The following UHRF2 variants were observed in gnomAD, a reference collection of about 807,000 sequenced individuals.
UHRF2 encodes ubiquitin like with PHD and ring finger domains 2, also known as E3 ubiquitin-protein ligase UHRF2.
UHRF2 carries 23 observed loss-of-function variants against 96.8 expected under a neutral mutation model. The ratio of observed to expected loss-of-function variants is 0.24; its 90% CI spans 0.17 to 0.34. The LOEUF is 0.34. Among genes scored for constraint, UHRF2 ranks in the 10% least tolerant of loss-of-function variants. UHRF2 has a pLI of 1.00. For missense variants in UHRF2, 685 were observed against 981.5 expected (o/e 0.70, Z 4.04); for synonymous variants, 385 against 332.6 (o/e 1.16, Z -1.72).
chr9:6,435,519 A>G (rs1042187240), intron 3 of UHRF2, among the ~76,000 whole-genome samples: 5 of 152,196 alleles, frequency 3.3e-5, no homozygotes, highest in African/African-American at 1.2e-4. Context: ...GTACTACCAC[A>G]AACTAATTTT....
At chr9:6,463,692 A>G (rs1822694071) in intron 4 of UHRF2, among the ~76,000 whole-genome samples, 1 of 152,132 alleles carries the variant, frequency 6.6e-6, no homozygotes, top group African/African-American at 2.4e-5. Context: ...GCTGGTTTCG[A>G]ACCCCTGAGC....
At chr9:6,471,738 A>G (rs1242277672) in intron 4 of UHRF2, among the ~76,000 whole-genome samples, 1 of 152,184 alleles carries the variant, frequency 6.6e-6, no homozygotes, top group African/African-American at 2.4e-5. Context: ...AGTAAGTACA[A>G]GCAGTTTGCA....
At chr9:6,467,595 G>GTTTTTTTTTTTT (rs34366483) in intron 4 of UHRF2, among the ~76,000 whole-genome samples, 1 of 99,170 alleles carries the variant, frequency 1.0e-5, no homozygotes, top group African/African-American at 4.2e-5. Flanking sequence ...CGAGAGAATA[G>GTTTTTTTTTTTT]TTTTTTTTTT....
At chr9:6,433,813 A>G (rs1464063521) in intron 2 of UHRF2, 101 bp from the exon 3 acceptor site, 17 of 1,236,198 alleles carry the variant, frequency 1.4e-5, no homozygotes, top group Non-Finnish European at 1.7e-5. Flanking sequence ...AGCTGCAAAT[A>G]TTGTTTACCA....
chr9:6,480,205 C>T (rs1216754103), intron 6 of UHRF2, among the ~76,000 whole-genome samples: 1 of 152,176 alleles, frequency 6.6e-6, no homozygotes, highest in Non-Finnish European at 1.5e-5. Flanking sequence ...GTTTCTTTGC[C>T]AGGAATGCTT....
At chr9:6,455,071 C>T (rs1563769747) in intron 3 of UHRF2, among the ~76,000 whole-genome samples, 1 of 152,180 alleles carries the variant, frequency 6.6e-6, no homozygotes, top group Admixed American at 6.5e-5. Flanking sequence ...GAGTAAGAAC[C>T]AGATGTTACT....
chr9:6,429,637 C>CTT lies in UHRF2; in HGVS notation c.385-4276_385-4275insTT, dbSNP rs1469948518. 3.3e-5 allele frequency among the ~76,000 whole-genome samples: 5 copies of CTT among 152,236 alleles called. No individual in the cohort carries two copies. The South Asian group carries it at 1.0e-3, about 32-fold the overall frequency. On this transcript the variant is annotated intron_variant, in intron 2 of 15. Transcript: ENST00000276893. ...TGAGCCACTGCACCCGGGCTATACT[C>CTT]TGAGTTTTAATGAGTCTTAACATTG... is the stretch of plus-strand genomic sequence containing the variant.
At chr9:6,492,705 G>C (rs1824731944) in intron 9 of UHRF2, 1 of 152,332 alleles carries the variant, frequency 6.6e-6, no homozygotes, top group Non-Finnish European at 1.5e-5. Context: ...TATTTTGCTA[G>C]TGTTAGTAGG....
intron 2 of UHRF2, chr9:6,422,553 T>C (rs1819991062): frequency 8.3e-6 from 4 of 482,720 alleles, no homozygotes; most frequent in Middle Eastern, 3.0e-4. Flanking sequence ...TCGACATCTT[T>C]ACAATGTTGA....
intron 4 of UHRF2, among the ~76,000 whole-genome samples, chr9:6,472,878 GAC>G (rs1348144265): frequency 6.6e-6 from 1 of 152,092 alleles, no homozygotes; most frequent in Non-Finnish European, 1.5e-5. Flanking sequence ...AAGGAAAAAA[GAC>G]ACATAATTTT....
chr9:6,496,949 A>G lies in UHRF2; in HGVS notation c.1605-249A>G, dbSNP rs1825010369. 4 of 378,864 alleles carry G rather than the reference A, an allele frequency of 1.1e-5. No individual in the cohort carries two copies. The South Asian group carries it at 3.2e-4, about 30-fold the overall frequency. 23.5% of individuals were successfully genotyped at this position (378,864 alleles called of 1,614,324 possible). ...TTCTATTATACGTGGCACAGATGTTATTACTTTCAGAAGAACCCTACAGGC... is the reference window on the plus strand; with the variant it reads ...TTCTATTATACGTGGCACAGATGTTGTTACTTTCAGAAGAACCCTACAGGC... On this transcript the variant is annotated intron_variant, in intron 10 of 15. Transcript: ENST00000276893.
intron 12 of UHRF2, 135 bp downstream of exon 12, chr9:6,498,293 A>G: frequency 1.1e-6 from 1 of 942,150 alleles, no homozygotes; most frequent in South Asian, 2.3e-5. Flanking sequence ...AGATCATGCA[A>G]ATAGACAGAG....
intron 3 of UHRF2, among the ~76,000 whole-genome samples, chr9:6,445,196 T>C (rs1406002039): frequency 6.6e-6 from 1 of 152,050 alleles, no homozygotes; most frequent in African/African-American, 2.4e-5. Context: ...ATTAAGGTTT[T>C]TGTTTTCTCT....
At chr9:6,498,220 C>T (rs1825077569) in intron 12 of UHRF2, 62 bp downstream of exon 12, 5 of 1,540,736 alleles carry the variant, frequency 3.2e-6, no homozygotes, top group African/African-American at 2.7e-5. Flanking sequence ...CTTCTATCTA[C>T]ATGCCTTAAC....
At position 6,506,101 on chromosome 9, in the gene UHRF2, G is replaced by A. The variant is rs141724018; in HGVS notation, c.2331G>A (p.Gln777=). The A allele has an allele frequency of 7.4e-6, 12 of 1,614,008 alleles. No homozygotes were observed. The African/African-American group carries it at 1.5e-4, about 20-fold the overall frequency. ...CTGCTTGCCGGCATGATCTTGGCCA[G>A]AATTACATCATGATTCCCAATGAGA... ...SCPACRHDLG[Q]NYIMIPNEIL... The change falls in exon 16 of 16, where the codon CAG becomes CAA. Residue 777 remains glutamine (Q), a synonymous_variant. Coordinates refer to ENST00000276893, the MANE Select transcript of UHRF2 (RefSeq NM_152896.3).
rs762506171 is a variant in UHRF2 at position 6,460,559 on chromosome 9, TTCTC to T, written c.645-9_645-6del. On this transcript the variant is annotated splice_polypyrimidine_tract_variant and intron_variant, in intron 3 of 15. Transcript: ENST00000276893. ...TTTGGTAATCATAAGCCATATGGTT[TTCTC>T]TCTCCTCAGATACCCAGAAAGCGGT... 1 of 1,584,544 alleles carries T rather than the reference TTCTC, an allele frequency of 6.3e-7. No individual in the cohort carries two copies. Among genetic ancestry groups the T allele is most frequent in the African/African-American group, 1.4e-5 (1 of 74,036 alleles).
chr9:6,483,671 C>T (rs565749420), intron 8 of UHRF2, among the ~76,000 whole-genome samples: 11 of 152,136 alleles, frequency 7.2e-5, no homozygotes, highest in Admixed American at 1.3e-4. Flanking sequence ...ATTTTAAAAA[C>T]GCGCCCTACT....
intron 4 of UHRF2, among the ~76,000 whole-genome samples, chr9:6,472,022 T>A (rs1823271015): frequency 6.6e-6 from 1 of 152,236 alleles, no homozygotes; most frequent in Non-Finnish European, 1.5e-5. Flanking sequence ...TACTTACCCT[T>A]AAGTGTATCT....
intron 3 of UHRF2, among the ~76,000 whole-genome samples, chr9:6,458,895 G>A (rs1192396367): frequency 1.3e-5 from 2 of 152,148 alleles, no homozygotes; most frequent in African/African-American, 4.8e-5. Context: ...CCATAAAAAA[G>A]GATGAGTTCC....
Sources: allele counts gnomAD v4.1 joint callset (sites outside exome capture counted in the v4.1 genomes callset), GRCh38; gene constraint gnomAD v4.1.1; transcripts MANE v1.5; gene names NCBI Gene and HGNC (gene_info 2026-07-23, HGNC 2026-07-21).